The following ECT2L variants were observed in gnomAD, a reference collection of about 807,000 sequenced individuals.
ECT2L encodes epithelial cell-transforming sequence 2 oncogene-like.
ECT2L carries 126 observed loss-of-function variants against 122.8 expected under a neutral mutation model. That is an observed-to-expected ratio of 1.03 (90% CI 0.89 to 1.19). ECT2L has a LOEUF of 1.19. Among genes scored for constraint, ECT2L ranks in the 50% most tolerant of loss-of-function variants. The pLI is 0.00. For synonymous variants in ECT2L, 385 were observed against 381.8 expected (o/e 1.01, Z -0.10); for missense variants, 1,012 against 1,064.1 (o/e 0.95, Z 0.68).
chr6:138,841,869 G>C lies in ECT2L; in HGVS notation c.343-1110G>C, dbSNP rs114182482. 1.2e-3 allele frequency among the ~76,000 whole-genome samples: 190 copies of C among 152,028 alleles called. 1 individual carries two copies. Among genetic ancestry groups the C allele is most frequent in the African/African-American group, 4.4e-3 (184 of 41,412 alleles). On this transcript the variant is annotated intron_variant, in intron 5 of 21. Transcript: ENST00000541398. Reference sequence around the variant, plus strand: ...TTCAAACCACATGAAATTTTCTCTTGTCGTATGTCAAAATGGCTGAATATT... The same window carrying C: ...TTCAAACCACATGAAATTTTCTCTTCTCGTATGTCAAAATGGCTGAATATT...
intron 14 of ECT2L, among the ~76,000 whole-genome samples, chr6:138,880,742 C>T (rs183239905): frequency 1.1e-3 from 164 of 152,254 alleles, no homozygotes; most frequent in Non-Finnish European, 1.6e-3. Context: ...GATTAAAAGT[C>T]CCTTCTCTAC....
At chr6:138,892,152 C>T (rs1032300183) in intron 20 of ECT2L, among the ~76,000 whole-genome samples, 1 of 152,044 alleles carries the variant, frequency 6.6e-6, no homozygotes, top group African/African-American at 2.4e-5. Context: ...CTACTTTGTC[C>T]CTGGTCTTTT....
At chr6:138,860,454 T>G (rs976229148) in intron 10 of ECT2L, among the ~76,000 whole-genome samples, 1 of 152,172 alleles carries the variant, frequency 6.6e-6, no homozygotes, top group African/African-American at 2.4e-5. Context: ...ACTATGTATG[T>G]GTACATTGGA....
intron 6 of ECT2L, among the ~76,000 whole-genome samples, chr6:138,843,673 G>A (rs1015821882): frequency 1.3e-5 from 2 of 152,108 alleles, no homozygotes; most frequent in Non-Finnish European, 2.9e-5. Context: ...GCCTCTTTCA[G>A]TTAAGCCCCC....
chr6:138,821,028 G>A (rs1776250510), intron 4 of ECT2L, among the ~76,000 whole-genome samples: 1 of 152,250 alleles, frequency 6.6e-6, no homozygotes, highest in African/African-American at 2.4e-5. Context: ...CTGGTGTACA[G>A]CCAAGGGTCA....
intron 15 of ECT2L, 50 bp downstream of exon 15, chr6:138,881,221 A>T (rs778436509): frequency 6.5e-7 from 1 of 1,537,676 alleles, no homozygotes; most frequent in Non-Finnish European, 8.9e-7. Flanking sequence ...CACTGAGAAG[A>T]GCCCATGCTT....
Position 138,838,376 on chromosome 6 carries a change from A to AACC in ECT2L, c.205_206insCCA (p.Glu68_Arg69insThr). 6.2e-7 allele frequency: 1 copy of AACC among 1,606,618 alleles called. No homozygotes were observed. Among genetic ancestry groups the AACC allele is most frequent in the Non-Finnish European group, 8.5e-7 (1 of 1,177,782 alleles). ...GGTTTGTCCAAGACTGGTTTTCAGAAAGGATGCAAGTGGCCAAAGTGGACT... is the reference window on the plus strand; with the variant it reads ...GGTTTGTCCAAGACTGGTTTTCAGAAACCAGGATGCAAGTGGCCAAAGTGGACT... On this transcript the variant is annotated inframe_insertion, in exon 5 of 22. Transcript: ENST00000541398.
intron 15 of ECT2L, 136 bp downstream of exon 15, chr6:138,881,307 C>T: frequency 1.2e-6 from 1 of 844,004 alleles, no homozygotes; most frequent in Non-Finnish European, 1.8e-6. Context: ...CAGCGAGATC[C>T]TCATCACATT....
At chr6:138,887,583 G>A (rs1322908021) in intron 19 of ECT2L, among the ~76,000 whole-genome samples, 1 of 152,142 alleles carries the variant, frequency 6.6e-6, no homozygotes, top group Non-Finnish European at 1.5e-5. Flanking sequence ...TCTGCACCCT[G>A]ATGGTATCTG....
chr6:138,887,108 C>A (rs539757966), intron 19 of ECT2L, among the ~76,000 whole-genome samples, 186 bp downstream of exon 19: 1 of 152,206 alleles, frequency 6.6e-6, no homozygotes, highest in Non-Finnish European at 1.5e-5. Context: ...AGAAGGGGCA[C>A]AAGTGAGCTT....
chr6:138,903,676 A>G lies in ECT2L; in HGVS notation c.*1049A>G, dbSNP rs918459934. 11 of 152,206 alleles carry G rather than the reference A, an allele frequency of 7.2e-5. No individual in the cohort carries two copies. Among genetic ancestry groups the G allele is most frequent in the African/African-American group, 2.7e-4 (11 of 41,458 alleles). 9.4% of individuals were successfully genotyped at this position (152,206 alleles called of 1,614,324 possible). A position where few individuals can be genotyped will look rare whatever the true frequency, so the allele number is the denominator to read the frequency against. On this transcript the variant is annotated 3_prime_UTR_variant, in exon 22 of 22. Coordinates refer to ENST00000541398, the MANE Select transcript of ECT2L (RefSeq NM_001077706.3). ...AGCTGAGTAAAAATGTTTCTTTGAA[A>G]ACAAAGACACTCAGAAAAACAGGTG...
chr6:138,817,353 C>A (rs991286000), intron 4 of ECT2L, among the ~76,000 whole-genome samples: 4 of 152,144 alleles, frequency 2.6e-5, no homozygotes, highest in African/African-American at 9.7e-5. Context: ...TTAAGCATTT[C>A]TTTTGGATCA....
At chr6:138,814,430 C>A in intron 3 of ECT2L, 61 bp from the exon 4 acceptor site, 3 of 1,039,678 alleles carry the variant, frequency 2.9e-6, no homozygotes, top group African/African-American at 1.6e-5. Context: ...CTAAAGATTG[C>A]TTAGCAATTA....
intron 8 of ECT2L, among the ~76,000 whole-genome samples, chr6:138,848,712 G>A (rs1777320013): frequency 6.6e-6 from 1 of 152,144 alleles, no homozygotes; most frequent in South Asian, 2.1e-4. Flanking sequence ...GTTTAACAAT[G>A]CATCATGCTG....
intron 10 of ECT2L, among the ~76,000 whole-genome samples, chr6:138,859,443 A>T (rs1777741332): frequency 6.6e-6 from 1 of 152,224 alleles, no homozygotes; most frequent in Middle Eastern, 3.2e-3. Flanking sequence ...GTTTAACTTT[A>T]TGAAAACACC....
intron 1 of ECT2L, among the ~76,000 whole-genome samples, chr6:138,810,975 C>T (rs918193999): frequency 6.6e-6 from 1 of 152,052 alleles, no homozygotes; most frequent in Non-Finnish European, 1.5e-5. Flanking sequence ...AGGAACTGTC[C>T]CAAAGGGTAA....
Position 138,823,434 on chromosome 6 carries a change from A to T in ECT2L, c.179+8831A>T, listed in dbSNP as rs1271382472. 1.1e-5 allele frequency: 17 copies of T among 1,608,232 alleles called. No individual in the cohort carries two copies. The South Asian group carries it at 1.8e-4, about 17-fold the overall frequency. On this transcript the variant is annotated intron_variant, in intron 4 of 21. Transcript: ENST00000541398. ...TATCACGGCAAGGACACTCATGAAG[A>T]TGCCAAACATTAAAATATCTCGACC... is the stretch of plus-strand genomic sequence containing the variant.
rs1246714133 is a variant in ECT2L at position 138,901,016 on chromosome 6, G to A, written c.2483G>A (p.Gly828Asp). 5 of 1,614,018 alleles carry A rather than the reference G, an allele frequency of 3.1e-6. No homozygotes were observed. The highest frequency in any genetic ancestry group is 8.5e-7 in the Non-Finnish European group (1 of 1,180,030). The change falls in exon 21 of 22, where the codon GGC (glycine) becomes GAC (aspartate). Residue 828 changes from glycine to aspartate, a missense_variant. Coordinates refer to ENST00000541398, the MANE Select transcript of ECT2L (RefSeq NM_001077706.3). ...GATGCCCTGCTCGTTTCTAGTCGGG[G>A]CACATCTCACACTCCATTTGAGAGG... ...FNDALLVSSR[G>D]TSHTPFERTS...
intron 4 of ECT2L, among the ~76,000 whole-genome samples, chr6:138,828,003 T>C (rs2128381973): frequency 6.6e-6 from 1 of 152,312 alleles, no homozygotes; most frequent in Middle Eastern, 3.4e-3. Flanking sequence ...TACATATGTA[T>C]ACATGCGCCA....
Sources: gnomAD v4.1 joint callset for allele counts (sites outside exome capture counted in the v4.1 genomes callset) on GRCh38, gnomAD v4.1.1 for gene constraint, MANE v1.5 for transcripts, NCBI Gene and HGNC (gene_info 2026-07-23, HGNC 2026-07-21) for gene names.